The following PLEKHA5 variants were observed in gnomAD, a reference collection of about 807,000 sequenced individuals.
The protein encoded by PLEKHA5 is pleckstrin homology domain-containing family A member 5.
A neutral mutation model predicts 181.9 loss-of-function variants in PLEKHA5; 55 were observed. The observed-to-expected ratio is 0.30, with a 90% confidence interval of 0.24 to 0.38. The LOEUF is 0.38. PLEKHA5 is among the 10% of genes least tolerant of loss of function. The pLI is 1.00. For synonymous variants in PLEKHA5, 535 were observed against 529.4 expected (o/e 1.01, Z -0.15); for missense variants, 1,432 against 1,549.5 (o/e 0.92, Z 1.27).
chr12:19,172,871 C>T (rs1412943989), intron 3 of PLEKHA5, among the ~76,000 whole-genome samples: 1 of 151,706 alleles, frequency 6.6e-6, no homozygotes, highest in Admixed American at 6.6e-5. Flanking sequence ...TCAGTGTGTC[C>T]TGTGCTTTTG....
chr12:19,334,983 GAAAAA>G (rs35656695), intron 20 of PLEKHA5, among the ~76,000 whole-genome samples: 6 of 49,966 alleles, frequency 1.2e-4, no homozygotes, highest in Non-Finnish European at 2.3e-4. Flanking sequence ...TTTTTTTTAT[GAAAAA>G]AAAAAAAAAA....
chr12:19,336,489 A>C (rs370452989), intron 20 of PLEKHA5, 26 bp from the exon 21 acceptor site: 65 of 1,185,132 alleles, frequency 5.5e-5, no homozygotes, highest in Non-Finnish European at 7.7e-5. Context: ...TTCCCCATTA[A>C]AGTAATTAAC....
At chr12:19,173,468 A>G (rs2046467480) in intron 3 of PLEKHA5, among the ~76,000 whole-genome samples, 1 of 152,192 alleles carries the variant, frequency 6.6e-6, no homozygotes, top group South Asian at 2.1e-4. Context: ...TCCAAAAAAA[A>G]AAATGTGCTC....
At position 19,201,405 on chromosome 12, in the gene PLEKHA5, A is replaced by C. The variant is rs2054155813; in HGVS notation, c.228-52535A>C. The C allele has an allele frequency of 2.0e-5, 3 of 152,146 alleles. 1 individual carries two copies. The highest frequency in any genetic ancestry group is 7.2e-5 in the African/African-American group (3 of 41,462). 9.4% of individuals were successfully genotyped at this position (152,146 alleles called of 1,614,324 possible). On this transcript the variant is annotated intron_variant, in intron 3 of 31. Transcript: ENST00000429027. Reference sequence around the variant, plus strand: ...ACTAGTAATAGAAATATAAAATGTTAGAACCACTTTGGAAAGAGATTGGCA... The same window carrying C: ...ACTAGTAATAGAAATATAAAATGTTCGAACCACTTTGGAAAGAGATTGGCA...
chr12:19,313,774 T>G (rs1318885436), intron 15 of PLEKHA5, among the ~76,000 whole-genome samples: 2 of 152,162 alleles, frequency 1.3e-5, no homozygotes, highest in African/African-American at 4.8e-5. Flanking sequence ...AGGTTTCTAA[T>G]TTGATAACTA....
intron 3 of PLEKHA5, chr12:19,151,531 G>A (rs1451320027): frequency 6.6e-6 from 1 of 152,186 alleles, no homozygotes; most frequent in East Asian, 1.9e-4. Flanking sequence ...GGTTCTGCCT[G>A]TGCTCCTTAA....
intron 3 of PLEKHA5, among the ~76,000 whole-genome samples, chr12:19,246,169 G>A (rs563956969): frequency 8.7e-4 from 132 of 151,342 alleles, no homozygotes; most frequent in South Asian, 2.5e-3. Context: ...TAGTAGAGAC[G>A]GGGTTTCACC....
intron 3 of PLEKHA5, among the ~76,000 whole-genome samples, chr12:19,199,005 C>T (rs903436003): frequency 5.3e-5 from 8 of 152,034 alleles, no homozygotes; most frequent in Admixed American, 3.3e-4. Flanking sequence ...CAAAAGACAG[C>T]TTGAATGCCA....
At chr12:19,309,756 TAATAA>T (rs1024112294) in intron 15 of PLEKHA5, among the ~76,000 whole-genome samples, 1 of 149,332 alleles carries the variant, frequency 6.7e-6, no homozygotes, top group African/African-American at 2.4e-5. Context: ...AAAAAAAAAA[TAATAA>T]AATCTCAAGT....
At chr12:19,138,998 G>A (rs1404056387) in intron 3 of PLEKHA5, among the ~76,000 whole-genome samples, 3 of 152,156 alleles carry the variant, frequency 2.0e-5, no homozygotes, top group Non-Finnish European at 4.4e-5. Context: ...AATACAGGCA[G>A]CATGGATTGG....
chr12:19,367,805 C>T (rs2095473118), intron 30 of PLEKHA5, among the ~76,000 whole-genome samples: 1 of 149,836 alleles, frequency 6.7e-6, no homozygotes, highest in Non-Finnish European at 1.5e-5. Context: ...CCAGGTTGGT[C>T]TCAATCTCCT....
At chr12:19,253,236 G>A (rs1036070771) in intron 3 of PLEKHA5, among the ~76,000 whole-genome samples, 4 of 150,688 alleles carry the variant, frequency 2.7e-5, no homozygotes, top group Non-Finnish European at 5.9e-5. Context: ...CACCACACCT[G>A]GCTAATTTTT....
In PLEKHA5 at chr12:19,274,625, A is replaced by G; in HGVS notation, c.955A>G (p.Met319Val). 6.2e-7 allele frequency: 1 copy of G among 1,613,758 alleles called. No individual in the cohort carries two copies. The highest frequency in any genetic ancestry group is 1.1e-5 in the South Asian group (1 of 91,074). ...CCAAAACAATCAAAAAAACAAGGAA[A>G]TGAGCAAAATTGAAGAAAAAAAGGC... is the stretch of plus-strand genomic sequence containing the variant. Reference protein sequence around the residue: ...EIQNNQKNKEMSKIEEKKALE... With the variant: ...EIQNNQKNKEVSKIEEKKALE... Residue 319 changes from methionine to valine, a missense_variant, in exon 11 of 32, where the codon ATG (methionine) becomes GTG (valine). Met to Val is a conservative substitution (Grantham distance 21). Coordinates refer to ENST00000429027, the MANE Select transcript of PLEKHA5 (RefSeq NM_001256470.2).
chr12:19,340,945 T>TAAAAAAAAAAAA (rs58915493), intron 21 of PLEKHA5, among the ~76,000 whole-genome samples: 7 of 62,678 alleles, frequency 1.1e-4, no homozygotes, highest in Non-Finnish European at 2.6e-4. Context: ...GAATGATCAA[T>TAAAAAAAAAAAA]AAAAAAAAAA....
intron 18 of PLEKHA5, chr12:19,320,827 A>T: frequency 3.0e-6 from 1 of 328,010 alleles, no homozygotes; most frequent in Non-Finnish European, 5.6e-6. Context: ...GTCCAACGTT[A>T]TTAAGCATCA....
At chr12:19,144,640 G>C (rs796582754) in intron 3 of PLEKHA5, among the ~76,000 whole-genome samples, 5 of 152,268 alleles carry the variant, frequency 3.3e-5, no homozygotes, top group African/African-American at 1.2e-4. Context: ...AGCCAGCATT[G>C]CAACTCTGTT....
At chr12:19,294,265 A>C (rs1211978434) in intron 15 of PLEKHA5, among the ~76,000 whole-genome samples, 1 of 152,146 alleles carries the variant, frequency 6.6e-6, no homozygotes, top group Non-Finnish European at 1.5e-5. Flanking sequence ...GATTTAGATA[A>C]CTTTGAATTT....
chr12:19,283,548 A>G lies in PLEKHA5; in HGVS notation c.1582A>G (p.Ser528Gly), dbSNP rs375710992. 6.2e-6 allele frequency: 10 copies of G among 1,614,082 alleles called. No individual in the cohort carries two copies. Among genetic ancestry groups the G allele is most frequent in the East Asian group, 4.5e-5 (2 of 44,884 alleles). ...CAAACAGAGCACCCTCCCTCGACAC[A>G]GTACTTTGAGTAGTCCCAAAACCAT... ...YNKQSTLPRH[S>G]TLSSPKTMVN... Residue 528 changes from serine to glycine, a missense_variant, in exon 12 of 32, where the codon AGT becomes GGT. Ser to Gly is a moderately conservative substitution (Grantham distance 56, BLOSUM62 0). Around this residue, in one of 2 missense-constraint regions of PLEKHA5, gnomAD observed 1,143 missense variants for 1,168.4 expected, o/e 0.98. Transcript: ENST00000429027.
chr12:19,158,313 A>G (rs2042236123), intron 3 of PLEKHA5, among the ~76,000 whole-genome samples: 1 of 152,020 alleles, frequency 6.6e-6, no homozygotes, highest in South Asian at 2.1e-4. Flanking sequence ...AGATCGCACC[A>G]CTGCACTCCA....
Sources: allele counts gnomAD v4.1 joint callset (sites outside exome capture counted in the v4.1 genomes callset), GRCh38; gene constraint gnomAD v4.1.1; regional missense constraint gnomAD v4.1.1; transcripts MANE v1.5; gene names NCBI Gene and HGNC (gene_info 2026-07-23, HGNC 2026-07-21).